Variants in PCARE observed in about 807,000 individuals in gnomAD.
PCARE encodes photoreceptor cilium actin regulator, also known as uncharacterized protein C2orf71.
Under a neutral mutation model 82.2 loss-of-function variants are expected in PCARE, and 72 were observed. The observed-to-expected ratio is 0.88, with a 90% CI of 0.72 to 1.07. The LOEUF (loss-of-function observed/expected upper bound fraction) is 1.07. PCARE is among the 50% of genes least tolerant of loss of function. The pLI, the probability that PCARE is intolerant of heterozygous loss-of-function variation, is 0.00. For synonymous variants in PCARE, 705 were observed against 634.8 expected, an observed-to-expected ratio of 1.11 and a Z score of -1.66; for missense variants, 1,768 against 1,592.4, an observed-to-expected ratio of 1.11 and a Z score of -1.88.
chr2:29,064,398 C>G lies in PCARE; in HGVS notation c.*471G>C, dbSNP rs1667360572. 4.9e-6 allele frequency: 1 copy of G among 205,944 alleles called. No individual in the cohort carries two copies. Among genetic ancestry groups the G allele is most frequent in the Non-Finnish European group, 1.0e-5 (1 of 100,010 alleles). The allele number at this position is 205,944 out of a possible 1,614,324, so 12.8% of individuals were successfully genotyped here. ...CATCTGTGCAAAATTTTGCTCTATT[C>G]TCTTCTTAGCTGTATGACCTTCAGC... On this transcript the variant is annotated 3_prime_UTR_variant, in exon 2 of 2. Transcript: ENST00000331664.
Position 29,072,948 on chromosome 2 carries a change from T to C in PCARE, c.1314A>G (p.Thr438=), listed in dbSNP as rs779249573. The change falls in exon 1 of 2, where the codon ACA becomes ACG. Residue 438 remains threonine, a synonymous_variant. Coordinates refer to ENST00000331664, the MANE Select transcript of PCARE (RefSeq NM_001029883.3). ...GTGGGGAGGTGATATTTTCTGGGCT[T>C]GTACTGGAGAGGCATGGGCTCCTTG... is the stretch of plus-strand genomic sequence containing the variant. ...DEARSPCLSS[T]SPENITSPPL... The C allele has an allele frequency of 6.2e-7, 1 of 1,614,048 alleles. No individual in the cohort carries two copies.
rs2148416835 is a variant in PCARE at position 29,073,598 on chromosome 2, A to G, written c.664T>C (p.Leu222=). 1.2e-6 allele frequency: 2 copies of G among 1,614,202 alleles called. No homozygotes were observed. The highest frequency in any genetic ancestry group is 1.7e-6 in the Non-Finnish European group (2 of 1,180,032). The change falls in exon 1 of 2, where the codon TTG becomes CTG. Residue 222 remains leucine, a synonymous_variant. Coordinates refer to ENST00000331664, the MANE Select transcript of PCARE (RefSeq NM_001029883.3). ...CTGATCTCCTCAAAGCACAGCAGCA[A>G]GAAGCTGACCATGGGCTGCAGCAGC... is the stretch of plus-strand genomic sequence containing the variant. ...RELLQPMVSF[L]LLCFEEISQL...
Position 29,073,897 on chromosome 2 carries a change from TG to T in PCARE, c.364del (p.His122MetfsTer60). On this transcript the variant is annotated frameshift_variant, in exon 1 of 2. Coordinates refer to ENST00000331664, the MANE Select transcript of PCARE (RefSeq NM_001029883.3). LOFTEE classifies it high-confidence loss of function. ...AGAAAAGTCTGCCCCTTGTGATCCA[TG>T]GGAACCCTGTGTCTTGAACGGAATA... ...KDIPFKTQGS[H>X]GSQGADFSGD... The T allele has an allele frequency of 6.2e-7, 1 of 1,614,232 alleles. No homozygotes were observed. The highest frequency in any genetic ancestry group is 8.5e-7 in the Non-Finnish European group (1 of 1,180,038).
chr2:29,070,751 G>A lies in PCARE; in HGVS notation c.3511C>T (p.Leu1171=), dbSNP rs1393734161. The change falls in exon 1 of 2, where the codon CTG becomes TTG. Residue 1171 remains leucine, a synonymous_variant. Transcript: ENST00000331664. ...GCTCTCCGCTGCGAGTCTGCTCTCA[G>A]CCAAGGCCCTGAGCTGTTCTTCCAG... ...ECWKNSSGPW[L]RADSQRRAAL... The A allele has an allele frequency of 6.2e-7, 1 of 1,614,078 alleles. No individual in the cohort carries two copies. Among genetic ancestry groups the A allele is most frequent in the Non-Finnish European group, 8.5e-7 (1 of 1,180,052 alleles).
At chr2:29,067,998 A>G (rs1417632407) in intron 1 of PCARE, among the ~76,000 whole-genome samples, 1 of 152,200 alleles carries the variant, frequency 6.6e-6, no homozygotes, top group African/African-American at 2.4e-5. Context: ...ATGTTACTTT[A>G]TTATTGCTCC....
rs767395290 is a variant in PCARE at position 29,064,859 on chromosome 2, C to G, written c.*10G>C. ...GGTGACTGCGTGAGTGTGGCCCCCT[C>G]GTCAGCCTGTCAGGACACCTCCTCT... is the stretch of plus-strand genomic sequence containing the variant. On this transcript the variant is annotated 3_prime_UTR_variant, in exon 2 of 2. Coordinates refer to ENST00000331664, the MANE Select transcript of PCARE (RefSeq NM_001029883.3). The G allele has an allele frequency of 1.9e-6, 3 of 1,610,240 alleles. No homozygotes were observed. The East Asian group carries it at 6.7e-5, about 36-fold the overall frequency.
At position 29,072,526 on chromosome 2, in the gene PCARE, C is replaced by T; in HGVS notation, c.1736G>A (p.Ser579Asn). 6.2e-7 allele frequency: 1 copy of T among 1,614,204 alleles called. No homozygotes were observed. Among genetic ancestry groups the T allele is most frequent in the Non-Finnish European group, 8.5e-7 (1 of 1,180,036 alleles). The change falls in exon 1 of 2, where the codon AGC (serine) becomes AAC (asparagine). Residue 579 changes from serine to asparagine, a missense_variant. Physicochemically the swap from Ser to Asn is conservative, Grantham distance 46 (BLOSUM62 1). Transcript: ENST00000331664. ...GGCCCTCCTGCTGCCACTTACCGTG[C>T]TAGGTCTTGGGGGGACCACTGTCCT... is the stretch of plus-strand genomic sequence containing the variant. ...EGRTVVPPRP[S>N]TVSGSRRAPE... is the part of the protein sequence containing the mutation.
chr2:29,070,375 A>C (rs6749000), intron 1 of PCARE, among the ~76,000 whole-genome samples: 87,675 of 151,844 alleles, frequency 0.58, 26,224 homozygotes, highest in East Asian at 0.85. Flanking sequence ...CAATTAAAAT[A>C]TTTCCTAGGC....
intron 1 of PCARE, among the ~76,000 whole-genome samples, chr2:29,068,027 G>C (rs11675600): frequency 0.02 from 2,988 of 152,298 alleles, 43 homozygotes; most frequent in Non-Finnish European, 0.029. Context: ...TAAAATGTTA[G>C]TGTTTTTAAT....
Position 29,070,594 on chromosome 2 carries a change from C to G in PCARE, c.3668G>C (p.Ser1223Thr), listed in dbSNP as rs776503877. The change falls in exon 1 of 2, where the codon AGC (serine) becomes ACC (threonine). Residue 1223 changes from serine to threonine, a missense_variant and splice_region_variant. Transcript: ENST00000331664. ...GCAGTGACCCCAGGACACTCCTTAC[C>G]TGTTCTGGCCGAGCTGGGATTCATA... Reference protein sequence around the residue: ...TSYESQLGQNSSSEESPKKDT... With the variant: ...TSYESQLGQNTSSEESPKKDT... 6.2e-7 allele frequency: 1 copy of G among 1,613,848 alleles called. No individual in the cohort carries two copies. The highest frequency in any genetic ancestry group is 8.5e-7 in the Non-Finnish European group (1 of 1,179,886).
At position 29,073,197 on chromosome 2, in the gene PCARE, G is replaced by A. The variant is rs372228597; in HGVS notation, c.1065C>T (p.Asp355=). 6.2e-7 allele frequency: 1 copy of A among 1,614,038 alleles called. No homozygotes were observed. Among genetic ancestry groups the A allele is most frequent in the African/African-American group, 1.3e-5 (1 of 74,910 alleles). The change falls in exon 1 of 2, where the codon GAC becomes GAT. Residue 355 remains aspartate, a synonymous_variant. Coordinates refer to ENST00000331664, the MANE Select transcript of PCARE (RefSeq NM_001029883.3). ...LCSEDSGIGA[D]NESVQSVDKL... ...TGTCCACCGACTGCACGGACTCATTGTCAGCACCAATGCCACTGTCCTCAG... is the reference window on the plus strand; with the variant it reads ...TGTCCACCGACTGCACGGACTCATTATCAGCACCAATGCCACTGTCCTCAG...
Position 29,070,716 on chromosome 2 carries a change from A to C in PCARE, c.3546T>G (p.Cys1182Trp), listed in dbSNP as rs769465560. The C allele has an allele frequency of 2.5e-6, 4 of 1,614,138 alleles. No individual in the cohort carries two copies. Among genetic ancestry groups the C allele is most frequent in the Non-Finnish European group, 3.4e-6 (4 of 1,180,040 alleles). The change falls in exon 1 of 2, where the codon TGT becomes TGG. Residue 1182 changes from cysteine (C) to tryptophan (W), a missense_variant. Cys to Trp is a radical substitution (Grantham distance 215). Transcript: ENST00000331664. ...TGAGGAAAGGCAGAGGGTTGAGGGC[A>C]CACAGAGCTGCTCTCCGCTGCGAGT... ...RADSQRRAAL[C>W]ALNPLPFLRR...
rs759748384 is a variant in PCARE, at chr2:29,071,178, C to T, written c.3084G>A (p.Thr1028=). 1.0e-5 allele frequency: 16 copies of T among 1,583,200 alleles called. No individual in the cohort carries two copies. Among genetic ancestry groups the T allele is most frequent in the East Asian group, 2.2e-5 (1 of 44,528 alleles). Residue 1028 remains threonine, a synonymous_variant, in exon 1 of 2, where the codon ACG becomes ACA. Transcript: ENST00000331664. ...PAQPSPSAVQ[T]PPSPPVSPRV... The stretch of plus-strand genomic sequence containing the variant: ...TGGGGCTCACAGGTGGGCTGGGGGG[C>T]GTCTGCACAGCAGAGGGGCTTGGCT...
At position 29,064,387 on chromosome 2, in the gene PCARE, T is replaced by G; in HGVS notation, c.*482A>C. ...AACACCAGACTCATCTGTGCAAAATTTTGCTCTATTCTCTTCTTAGCTGTA... is the reference window on the plus strand; with the variant it reads ...AACACCAGACTCATCTGTGCAAAATGTTGCTCTATTCTCTTCTTAGCTGTA... On this transcript the variant is annotated 3_prime_UTR_variant, in exon 2 of 2. Coordinates refer to ENST00000331664, the MANE Select transcript of PCARE (RefSeq NM_001029883.3). The G allele has an allele frequency of 5.2e-6, 1 of 190,936 alleles. No homozygotes were observed. The highest frequency in any genetic ancestry group is 1.1e-5 in the Non-Finnish European group (1 of 90,668). 11.8% of individuals were successfully genotyped at this position (190,936 alleles called of 1,614,324 possible). A position where few individuals can be genotyped will look rare whatever the true frequency, so the allele number is the denominator to read the frequency against.
chr2:29,071,813 C>G lies in PCARE; in HGVS notation c.2449G>C (p.Glu817Gln), dbSNP rs1350344619. 2.5e-6 allele frequency: 4 copies of G among 1,614,028 alleles called. No homozygotes were observed. In the African/African-American group the frequency reaches 5.3e-5, roughly 22 times the overall value. Residue 817 changes from glutamate to glutamine, a missense_variant, in exon 1 of 2, where the codon GAG becomes CAG. Coordinates refer to ENST00000331664, the MANE Select transcript of PCARE (RefSeq NM_001029883.3). Reference protein sequence around the residue: ...PLPKAEAAKSEELSCEMEGNL... With the variant: ...PLPKAEAAKSQELSCEMEGNL... ...CCCTCCATTTCACAGCTGAGCTCCTCACTCTTGGCTGCTTCTGCTTTAGGC... is the reference window on the plus strand; with the variant it reads ...CCCTCCATTTCACAGCTGAGCTCCTGACTCTTGGCTGCTTCTGCTTTAGGC...
rs1418642568 is a variant in PCARE at position 29,064,029 on chromosome 2, T to C, written c.*840A>G. The C allele has an allele frequency of 6.5e-6, 1 of 153,690 alleles. No homozygotes were observed. Among genetic ancestry groups the C allele is most frequent in the East Asian group, 1.9e-4 (1 of 5,192 alleles). The allele number at this position is 153,690 out of a possible 1,614,324, so 9.5% of individuals were successfully genotyped here. ...TGTAATGCGTAGGGCAGTGAGAGCA[T>C]TTGCTACATGCTTAGGCCGAGAGGC... On this transcript the variant is annotated 3_prime_UTR_variant, in exon 2 of 2. Coordinates refer to ENST00000331664, the MANE Select transcript of PCARE (RefSeq NM_001029883.3).
chr2:29,072,006 G>C lies in PCARE; in HGVS notation c.2256C>G (p.Asp752Glu). The C allele has an allele frequency of 1.2e-6, 2 of 1,613,938 alleles. No individual in the cohort carries two copies. Among genetic ancestry groups the C allele is most frequent in the Non-Finnish European group, 1.7e-6 (2 of 1,179,834 alleles). Reference sequence around the variant, plus strand: ...TCCTGAGGCAGGGACTTGCCCCAGCGTCCTTAGAGTCCCCCAGCATCCTCA... The same window carrying C: ...TCCTGAGGCAGGGACTTGCCCCAGCCTCCTTAGAGTCCCCCAGCATCCTCA... Reference protein sequence around the residue: ...ESLRMLGDSKDAGASPCLRNC... With the variant: ...ESLRMLGDSKEAGASPCLRNC... Residue 752 changes from aspartate to glutamate, a missense_variant, in exon 1 of 2, where the codon GAC (aspartate) becomes GAG (glutamate). Physicochemically the swap from Asp to Glu is conservative, Grantham distance 45. Transcript: ENST00000331664.
chr2:29,072,453 G>A lies in PCARE; in HGVS notation c.1809C>T (p.His603=), dbSNP rs776495550. Residue 603 remains histidine (H), a synonymous_variant, in exon 1 of 2, where the codon CAC becomes CAT. Coordinates refer to ENST00000331664, the MANE Select transcript of PCARE (RefSeq NM_001029883.3). ...RSQSESCLQS[H]VEDPTFQELR... is the part of the protein sequence containing the mutation. Reference sequence around the variant, plus strand: ...GCTCCTGAAAGGTGGGGTCCTCCACGTGACTCTGGAGACACGACTCTGACT... The same window carrying A: ...GCTCCTGAAAGGTGGGGTCCTCCACATGACTCTGGAGACACGACTCTGACT... 5.6e-6 allele frequency: 9 copies of A among 1,614,058 alleles called. No individual in the cohort carries two copies. The highest frequency in any genetic ancestry group is 2.7e-5 in the African/African-American group (2 of 74,930).
intron 1 of PCARE, among the ~76,000 whole-genome samples, chr2:29,067,018 A>T (rs1452647521): frequency 6.6e-6 from 1 of 152,206 alleles, no homozygotes; most frequent in Non-Finnish European, 1.5e-5. Flanking sequence ...CCCAATCCCC[A>T]GGTCCCCAAG....
Sources: allele counts gnomAD v4.1 joint callset (sites outside exome capture counted in the v4.1 genomes callset), GRCh38; gene constraint gnomAD v4.1.1; transcripts MANE v1.5; gene names NCBI Gene and HGNC (gene_info 2026-07-23, HGNC 2026-07-21).